Variants in TBC1D32 observed in about 807,000 individuals in gnomAD.
TBC1D32 encodes the protein TBC1 domain family member 32, also known as protein broad-minded.
TBC1D32 carries 151 observed loss-of-function variants against 170.3 expected under a neutral mutation model. The ratio of observed to expected loss-of-function variants is 0.89; its 90% confidence interval spans 0.78 to 1.01. The LOEUF (loss-of-function observed/expected upper bound fraction) is 1.01. Among genes scored for constraint, TBC1D32 ranks in the 50% least tolerant of loss-of-function variants. The probability of loss-of-function intolerance (pLI) is 0.00; values close to 1 mark genes in which losing one functional copy is unlikely to be tolerated. For missense variants in TBC1D32, 1,464 were observed against 1,457.1 expected (o/e 1.00, Z -0.08); for synonymous variants, 498 against 488.0 (o/e 1.02, Z -0.27).
intron 22 of TBC1D32, among the ~76,000 whole-genome samples, chr6:121,178,161 C>T (rs1021973300): frequency 6.6e-5 from 10 of 152,116 alleles, no homozygotes; most frequent in Non-Finnish European, 1.2e-4. Context: ...GGGGAAACTG[C>T]GCCCATGATT....
chr6:121,216,502 T>C (rs1417872349), intron 21 of TBC1D32, among the ~76,000 whole-genome samples: 1 of 152,196 alleles, frequency 6.6e-6, no homozygotes, highest in African/African-American at 2.4e-5. Context: ...AATTCTTTCA[T>C]TGGTTTTGGG....
intron 22 of TBC1D32, among the ~76,000 whole-genome samples, chr6:121,174,567 T>C (rs747862783): frequency 4.6e-5 from 7 of 152,100 alleles, no homozygotes; most frequent in Non-Finnish European, 1.0e-4. Flanking sequence ...GTTCCAGACA[T>C]AGCTGCAGCA....
At chr6:121,090,001 T>C (rs1038661493) in intron 31 of TBC1D32, among the ~76,000 whole-genome samples, 21 of 151,786 alleles carry the variant, frequency 1.4e-4, no homozygotes, top group African/African-American at 5.1e-4. Context: ...TGGTGCGATC[T>C]CGGCTCATGC....
chr6:121,219,303 T>C (rs751341659), intron 21 of TBC1D32, among the ~76,000 whole-genome samples: 9 of 152,198 alleles, frequency 5.9e-5, no homozygotes, highest in Non-Finnish European at 1.0e-4. Context: ...GTCTAAATCA[T>C]GACAGAAAGC....
chr6:121,272,112 T>C (rs1348090389), intron 15 of TBC1D32, among the ~76,000 whole-genome samples: 1 of 152,106 alleles, frequency 6.6e-6, no homozygotes, highest in Non-Finnish European at 1.5e-5. Flanking sequence ...TAATTCAAGA[T>C]GGATTAAAGA....
intron 15 of TBC1D32, among the ~76,000 whole-genome samples, chr6:121,259,149 T>G (rs1203296124): frequency 6.6e-6 from 1 of 151,948 alleles, no homozygotes; most frequent in Middle Eastern, 3.4e-3. Context: ...AATACAAAAA[T>G]TAGCCCAGCA....
chr6:121,218,054 T>C (rs914084464), intron 21 of TBC1D32, among the ~76,000 whole-genome samples: 1 of 152,186 alleles, frequency 6.6e-6, no homozygotes, highest in Non-Finnish European at 1.5e-5. Context: ...CAGATGCCCA[T>C]TGTCTGGTAG....
At chr6:121,089,435 A>T (rs1440232629) in intron 31 of TBC1D32, among the ~76,000 whole-genome samples, 1 of 152,188 alleles carries the variant, frequency 6.6e-6, no homozygotes, top group African/African-American at 2.4e-5. Context: ...AAATTCCTAT[A>T]ACTGACCACT....
At chr6:121,269,620 T>G (rs1032119274) in intron 15 of TBC1D32, among the ~76,000 whole-genome samples, 2 of 152,078 alleles carry the variant, frequency 1.3e-5, no homozygotes, top group Non-Finnish European at 2.9e-5. Context: ...AGCAAGTCCT[T>G]AGTGACCTAC....
Position 121,300,766 on chromosome 6 carries a change from G to A in TBC1D32, c.1081-1261C>T, listed in dbSNP as rs147959411. Among the ~76,000 whole-genome samples, 1,358 of 152,214 alleles carry A rather than the reference G, an allele frequency of 8.9e-3. 25 individuals are homozygous for A. Among genetic ancestry groups the A allele is most frequent in the African/African-American group, 0.031 (1,285 of 41,542 alleles). ...AGTGAACAGGCAGCCTATGGAATGG[G>A]AGAAAATTTTTGCAATCTATCCATC... On this transcript the variant is annotated intron_variant, in intron 9 of 31. Coordinates refer to ENST00000398212, the MANE Select transcript of TBC1D32 (RefSeq NM_152730.6).
At chr6:121,190,262 C>T (rs753312717) in intron 22 of TBC1D32, among the ~76,000 whole-genome samples, 47 of 149,780 alleles carry the variant, frequency 3.1e-4, no homozygotes, top group Non-Finnish European at 5.9e-4. Context: ...TCCCCCTCCA[C>T]CTCATCCTTT....
chr6:121,088,854 A>G (rs988426811), intron 31 of TBC1D32, among the ~76,000 whole-genome samples: 2 of 152,200 alleles, frequency 1.3e-5, no homozygotes, highest in African/African-American at 4.8e-5. Context: ...CTTAGGTCAT[A>G]ATCTCCTCTC....
chr6:121,180,543 T>C (rs913241850), intron 22 of TBC1D32, among the ~76,000 whole-genome samples: 7 of 152,042 alleles, frequency 4.6e-5, no homozygotes, highest in Non-Finnish European at 1.0e-4. Flanking sequence ...TGAATATTCA[T>C]ATGTAGAAGA....
chr6:121,264,395 A>G (rs1800175418), intron 15 of TBC1D32, among the ~76,000 whole-genome samples: 1 of 152,188 alleles, frequency 6.6e-6, no homozygotes, highest in Non-Finnish European at 1.5e-5. Flanking sequence ...TAGACCAATA[A>G]CAAGCTCTGA....
intron 24 of TBC1D32, among the ~76,000 whole-genome samples, chr6:121,142,710 A>T (rs1782944497): frequency 6.6e-6 from 1 of 152,138 alleles, no homozygotes; most frequent in Non-Finnish European, 1.5e-5. Context: ...GAAGTTCTGA[A>T]TTTCCCATAC....
Position 121,219,594 on chromosome 6 carries a change from G to C in TBC1D32, c.2481+3642C>G, listed in dbSNP as rs528886773. Among the ~76,000 whole-genome samples the C allele has an allele frequency of 2.6e-5, 4 of 152,304 alleles. No homozygotes were observed. In the East Asian group the frequency reaches 7.7e-4, roughly 29 times the overall value. The stretch of plus-strand genomic sequence containing the variant: ...TTCACTGGATCCGTATAATGTGCTA[G>C]ATTTATATACCTCTAAGACAGCCTA... On this transcript the variant is annotated intron_variant, in intron 21 of 31. Transcript: ENST00000398212.
At chr6:121,305,333 A>T (rs953510611) in intron 5 of TBC1D32, among the ~76,000 whole-genome samples, 10 of 152,092 alleles carry the variant, frequency 6.6e-5, no homozygotes, top group African/African-American at 2.4e-4. Context: ...TCTAAAATAG[A>T]AACCATTAGA....
intron 22 of TBC1D32, among the ~76,000 whole-genome samples, chr6:121,195,333 G>A (rs1451089152): frequency 7.2e-5 from 11 of 152,170 alleles, no homozygotes; most frequent in Non-Finnish European, 1.6e-4. Context: ...GTGAATCACA[G>A]CAGAGGCCTC....
rs1033556338 is a variant in TBC1D32, at chr6:121,242,410, G to A, written c.2019-71C>T. 2.7e-6 allele frequency: 4 copies of A among 1,476,010 alleles called. No individual in the cohort carries two copies. The African/African-American group carries it at 4.2e-5, about 16-fold the overall frequency. 91.4% of individuals were successfully genotyped at this position (1,476,010 alleles called of 1,614,324 possible). Reference sequence around the variant, plus strand: ...AACTGAAAACAAAGAGTATGTCTTAGCTGAGCTTAACCCTGTTTACAATTA... The same window carrying A: ...AACTGAAAACAAAGAGTATGTCTTAACTGAGCTTAACCCTGTTTACAATTA... On this transcript the variant is annotated intron_variant, in intron 17 of 31. Transcript: ENST00000398212.
Sources: gnomAD v4.1 joint callset for allele counts (sites outside exome capture counted in the v4.1 genomes callset) on GRCh38, gnomAD v4.1.1 for gene constraint, MANE v1.5 for transcripts, NCBI Gene and HGNC (gene_info 2026-07-23, HGNC 2026-07-21) for gene names.